FOXP2: variants seen among roughly 807,000 people sequenced by gnomAD.
The protein encoded by FOXP2 is forkhead box protein P2.
A neutral mutation model predicts 115.8 loss-of-function variants in FOXP2; 12 were observed. The ratio of observed to expected loss-of-function variants is 0.10; its 90% CI spans 0.07 to 0.17. The LOEUF (loss-of-function observed/expected upper bound fraction) is 0.17. Ranked by LOEUF, FOXP2 falls within the 10% of genes least tolerant of loss-of-function variation. FOXP2 has a pLI of 1.00. For synonymous variants in FOXP2, 328 were observed against 297.7 expected (o/e 1.10, Z -1.05); for missense variants, 629 against 843.5 (o/e 0.75, Z 3.15).
chr7:114,259,928 C>T (rs1035450148), intron 1 of FOXP2, among the ~76,000 whole-genome samples: 1 of 152,076 alleles, frequency 6.6e-6, no homozygotes, highest in African/African-American at 2.4e-5. Context: ...CTTGCTCTGT[C>T]ACCCAGGCTG....
At chr7:114,164,906 A>T (rs548889413) in intron 1 of FOXP2, among the ~76,000 whole-genome samples, 1 of 152,248 alleles carries the variant, frequency 6.6e-6, no homozygotes, top group South Asian at 2.1e-4. Flanking sequence ...ATTACAGCAC[A>T]GATTATAGTG....
At chr7:114,556,056 A>T (rs1270673964) in intron 3 of FOXP2, among the ~76,000 whole-genome samples, 2 of 152,208 alleles carry the variant, frequency 1.3e-5, no homozygotes, top group Non-Finnish European at 2.9e-5. Context: ...ATATGAAAGA[A>T]AAAGCAAATG....
At chr7:114,116,306 T>C (rs528040390) in intron 1 of FOXP2, among the ~76,000 whole-genome samples, 35 of 152,288 alleles carry the variant, frequency 2.3e-4, no homozygotes, top group South Asian at 4.1e-4. Flanking sequence ...GAAGGGGCAG[T>C]TGCAAGTAAG....
At chr7:114,378,573 A>T (rs897128218) in intron 2 of FOXP2, among the ~76,000 whole-genome samples, 3 of 150,890 alleles carry the variant, frequency 2.0e-5, no homozygotes, top group African/African-American at 7.3e-5. Context: ...GATCCCAGCT[A>T]CTAGGGAGGC....
intron 3 of FOXP2, among the ~76,000 whole-genome samples, chr7:114,615,112 G>A (rs1028264152): frequency 5.3e-5 from 8 of 152,110 alleles, no homozygotes; most frequent in South Asian, 4.2e-4. Flanking sequence ...CCAGCTACTC[G>A]TGAGGCTGAG....
intron 2 of FOXP2, among the ~76,000 whole-genome samples, chr7:114,455,403 G>A (rs1795272968): frequency 6.6e-6 from 1 of 152,106 alleles, no homozygotes; most frequent in Admixed American, 6.5e-5. Context: ...CAACCTTATT[G>A]CCTCTGGAAG....
chr7:114,645,944 T>A (rs1563056800), intron 8 of FOXP2: 1 of 151,598 alleles, frequency 6.6e-6, no homozygotes, highest in African/African-American at 2.4e-5. Flanking sequence ...AAATGAAAAT[T>A]TACACTTTTC....
At chr7:114,225,271 T>A (rs1459571191) in intron 1 of FOXP2, among the ~76,000 whole-genome samples, 1 of 152,034 alleles carries the variant, frequency 6.6e-6, no homozygotes, top group African/African-American at 2.4e-5. Context: ...AGCATTTACT[T>A]CTTGCTGTAA....
intron 2 of FOXP2, among the ~76,000 whole-genome samples, chr7:114,492,077 C>T (rs1249135193): frequency 6.6e-6 from 1 of 152,100 alleles, no homozygotes; most frequent in Non-Finnish European, 1.5e-5. Context: ...TAATTATTGC[C>T]TCAATTTCAG....
chr7:114,488,521 A>G (rs1339351959), intron 2 of FOXP2, among the ~76,000 whole-genome samples: 1 of 152,220 alleles, frequency 6.6e-6, no homozygotes, highest in Non-Finnish European at 1.5e-5. Context: ...TGATCCATAG[A>G]GACCACAGGA....
intron 2 of FOXP2, among the ~76,000 whole-genome samples, chr7:114,368,794 A>G (rs1174249433): frequency 2.0e-5 from 3 of 152,328 alleles, no homozygotes; most frequent in African/African-American, 4.8e-5. Context: ...TGCTGACTAG[A>G]CCACTTTGAC....
intron 1 of FOXP2, among the ~76,000 whole-genome samples, chr7:114,237,408 A>G (rs1795038191): frequency 6.6e-6 from 1 of 152,240 alleles, no homozygotes; most frequent in African/African-American, 2.4e-5. Context: ...TAAAATGGGA[A>G]TAGCACATTT....
At chr7:114,227,734 A>G (rs550119471) in intron 1 of FOXP2, among the ~76,000 whole-genome samples, 3 of 152,144 alleles carry the variant, frequency 2.0e-5, no homozygotes, top group Non-Finnish European at 2.9e-5. Context: ...GCTCAACAGA[A>G]ATTGCTAAGT....
At chr7:114,290,853 G>A (rs145853308) in intron 2 of FOXP2, among the ~76,000 whole-genome samples, 191 of 152,172 alleles carry the variant, frequency 1.3e-3, no homozygotes, top group Non-Finnish European at 2.1e-3. Context: ...ATAACAGTTC[G>A]TATTTAATAC....
chr7:114,286,910 G>T (rs2129175804), intron 1 of FOXP2, among the ~76,000 whole-genome samples: 1 of 152,112 alleles, frequency 6.6e-6, no homozygotes, highest in East Asian at 1.9e-4. Context: ...GCAAGAAAGG[G>T]TTCTTTAGCT....
Position 114,526,488 on chromosome 7 carries a change from C to CAAA in FOXP2, c.169-8120_169-8118dup, listed in dbSNP as rs572768894. On this transcript the variant is annotated intron_variant, in intron 2 of 16. Coordinates refer to ENST00000350908, the MANE Select transcript of FOXP2 (RefSeq NM_014491.4). ...GAGACTCTGTCTCAAAAAAAAAAAA[C>CAAA]AAAAAAAAAAACACAACAAACAAAA... is the stretch of plus-strand genomic sequence containing the variant. Among the ~76,000 whole-genome samples, 229 of 137,772 alleles carry CAAA rather than the reference C, an allele frequency of 1.7e-3. 1 individual carries two copies. Among genetic ancestry groups the CAAA allele is most frequent in the African/African-American group, 5.9e-3 (224 of 38,152 alleles). 90.4% of individuals were successfully genotyped at this position (137,772 alleles called of 152,430 possible).
At chr7:114,289,206 T>G (rs1796536070) in intron 2 of FOXP2, among the ~76,000 whole-genome samples, 1 of 152,026 alleles carries the variant, frequency 6.6e-6, no homozygotes, top group Non-Finnish European at 1.5e-5. Flanking sequence ...GATCCCACAT[T>G]TATCTAACAT....
intron 3 of FOXP2, among the ~76,000 whole-genome samples, chr7:114,626,195 T>C (rs559271310): frequency 6.6e-6 from 1 of 151,920 alleles, no homozygotes; most frequent in Admixed American, 6.6e-5. Context: ...CTAACTTGTG[T>C]AGTGTAAGGA....
intron 3 of FOXP2, among the ~76,000 whole-genome samples, chr7:114,573,599 A>G (rs1801428607): frequency 1.3e-5 from 2 of 151,754 alleles, no homozygotes; most frequent in South Asian, 4.1e-4. Context: ...AATGCCTATC[A>G]AAGTGTTAAT....
Sources: allele counts gnomAD v4.1 joint callset (sites outside exome capture counted in the v4.1 genomes callset), GRCh38; gene constraint gnomAD v4.1.1; transcripts MANE v1.5; gene names NCBI Gene and HGNC (gene_info 2026-07-23, HGNC 2026-07-21).